KIAA0825: variants seen among roughly 807,000 people sequenced by gnomAD.
The protein encoded by KIAA0825 is KIAA0825.
A neutral mutation model predicts 147.6 loss-of-function variants in KIAA0825; 119 were observed. The observed-to-expected ratio is 0.81, with a 90% CI of 0.69 to 0.94. The LOEUF (loss-of-function observed/expected upper bound fraction) is 0.94. Among genes scored for constraint, KIAA0825 ranks in the 40% least tolerant of loss-of-function variants. KIAA0825 has a pLI of 0.00. For synonymous variants in KIAA0825, 470 were observed against 518.1 expected (o/e 0.91, Z 1.26); for missense variants, 1,381 against 1,472.7 (o/e 0.94, Z 1.02).
intron 4 of KIAA0825, among the ~76,000 whole-genome samples, chr5:94,522,930 C>T (rs560885524): frequency 2.4e-4 from 37 of 151,716 alleles, no homozygotes; most frequent in South Asian, 8.3e-4. Flanking sequence ...ATACACATGC[C>T]TCTTAATAGA....
intron 3 of KIAA0825, among the ~76,000 whole-genome samples, chr5:94,535,015 T>A (rs1038433400): frequency 1.3e-5 from 2 of 152,130 alleles, no homozygotes; most frequent in African/African-American, 4.8e-5. Flanking sequence ...CTATAGTTAT[T>A]TTATATTTAT....
chr5:94,234,951 T>C (rs571521230), intron 20 of KIAA0825, among the ~76,000 whole-genome samples: 1 of 152,230 alleles, frequency 6.6e-6, no homozygotes, highest in African/African-American at 2.4e-5. Flanking sequence ...AAATGTTATG[T>C]GTTTTCTGAC....
chr5:94,452,299 T>C (rs1758516246), intron 13 of KIAA0825, among the ~76,000 whole-genome samples: 8 of 152,198 alleles, frequency 5.3e-5, no homozygotes, highest in Admixed American at 5.2e-4. Flanking sequence ...TATAGTCAGC[T>C]TAGATGGTAA....
chr5:94,308,855 G>A (rs1446937986), intron 20 of KIAA0825, among the ~76,000 whole-genome samples: 2 of 143,814 alleles, frequency 1.4e-5, no homozygotes, highest in Non-Finnish European at 3.2e-5. Context: ...TCCAGAGGGA[G>A]AACTCTTTGC....
At chr5:94,589,347 T>C (rs1323023491) in intron 1 of KIAA0825, among the ~76,000 whole-genome samples, 3 of 152,234 alleles carry the variant, frequency 2.0e-5, no homozygotes, top group African/African-American at 7.2e-5. Context: ...TCTATTTGTC[T>C]TTTCCTGCAG....
intron 20 of KIAA0825, among the ~76,000 whole-genome samples, chr5:94,366,361 A>C (rs1322035121): frequency 2.6e-5 from 4 of 152,058 alleles, no homozygotes; most frequent in Non-Finnish European, 5.9e-5. Flanking sequence ...TTGAACCCAG[A>C]CACACATAAC....
chr5:94,368,696 CAG>C (rs1350310105), intron 20 of KIAA0825, among the ~76,000 whole-genome samples: 4 of 152,180 alleles, frequency 2.6e-5, no homozygotes, highest in African/African-American at 9.7e-5. Context: ...TATTCTCTAA[CAG>C]AATTTAGATG....
chr5:94,265,591 G>A (rs912371240), intron 20 of KIAA0825, among the ~76,000 whole-genome samples: 2 of 152,104 alleles, frequency 1.3e-5, no homozygotes, highest in African/African-American at 4.8e-5. Context: ...CTGAGGTCAG[G>A]AGTTTGAGAC....
chr5:94,593,796 T>C, intron 1 of KIAA0825: 2 of 335,720 alleles, frequency 6.0e-6, no homozygotes, highest in Non-Finnish European at 1.2e-5. Flanking sequence ...AGTTTTTTTG[T>C]GAAACTTGGA....
chr5:94,319,066 T>C (rs1779921800), intron 20 of KIAA0825, among the ~76,000 whole-genome samples: 1 of 151,770 alleles, frequency 6.6e-6, no homozygotes, highest in Non-Finnish European at 1.5e-5. Context: ...GGAAAGGAAA[T>C]AAGTCCAAGT....
intron 20 of KIAA0825, among the ~76,000 whole-genome samples, chr5:94,271,454 G>A (rs562441360): frequency 6.6e-6 from 1 of 152,044 alleles, no homozygotes; most frequent in East Asian, 1.9e-4. Context: ...ATGATCAAAA[G>A]ATCTGAATAG....
In KIAA0825 at chr5:94,240,962, T is replaced by C. The variant is rs566304837; in HGVS notation, c.3711-86838A>G. 6.6e-5 allele frequency among the ~76,000 whole-genome samples: 10 copies of C among 152,306 alleles called. 1 individual carries two copies. The highest frequency in any genetic ancestry group is 2.4e-4 in the African/African-American group (10 of 41,572). ...TACTTTATCTCGGTAAATAAAAGGT[T>C]GCCTGGTAAATAAATGAATCCATTT... is the stretch of plus-strand genomic sequence containing the variant. On this transcript the variant is annotated intron_variant, in intron 20 of 20. Transcript: ENST00000682413.
chr5:94,466,334 T>C (rs1426436573), intron 10 of KIAA0825, among the ~76,000 whole-genome samples: 1 of 152,144 alleles, frequency 6.6e-6, no homozygotes, highest in East Asian at 1.9e-4. Flanking sequence ...TTGTATTCCT[T>C]GGGTAAGAAA....
chr5:94,208,756 C>T (rs558672582), intron 20 of KIAA0825, among the ~76,000 whole-genome samples: 9 of 152,144 alleles, frequency 5.9e-5, no homozygotes, highest in African/African-American at 1.4e-4. Flanking sequence ...GAAATGTGAA[C>T]GTATTAGAGT....
At chr5:94,592,297 T>C (rs1457608788) in intron 1 of KIAA0825, among the ~76,000 whole-genome samples, 4 of 152,076 alleles carry the variant, frequency 2.6e-5, no homozygotes, top group Admixed American at 6.6e-5. Flanking sequence ...CCATTCCAAA[T>C]GGGAGAAATT....
intron 14 of KIAA0825, among the ~76,000 whole-genome samples, chr5:94,424,137 C>T (rs556477603): frequency 1.3e-5 from 2 of 152,244 alleles, no homozygotes; most frequent in African/African-American, 4.8e-5. Flanking sequence ...AATAATACTT[C>T]TGTATAACTG....
At chr5:94,231,759 A>C (rs573063229) in intron 20 of KIAA0825, among the ~76,000 whole-genome samples, 1 of 152,264 alleles carries the variant, frequency 6.6e-6, no homozygotes, top group Admixed American at 6.5e-5. Context: ...AATATTAGAG[A>C]CTGAGTAAAT....
At chr5:94,346,886 T>C (rs1470745992) in intron 20 of KIAA0825, among the ~76,000 whole-genome samples, 6 of 152,144 alleles carry the variant, frequency 3.9e-5, no homozygotes, top group East Asian at 1.9e-4. Context: ...CCCTTTTTTT[T>C]CCACAACTTG....
chr5:94,154,091 C>G lies in KIAA0825; in HGVS notation c.3744G>C (p.Glu1248Asp), dbSNP rs1766807860. Reference protein sequence around the residue: ...WEMKKDETLEEEEKAILEHLK... With the variant: ...WEMKKDETLEDEEKAILEHLK... ...AGTGCTCCAGTATTGCTTTTTCTTC[C>G]TCTTCTAGTGTTTCATCCTTCTTCA... The change falls in exon 21 of 21, where the codon GAG (glutamate) becomes GAC (aspartate). Residue 1248 changes from glutamate to aspartate, a missense_variant. Transcript: ENST00000682413. The G allele has an allele frequency of 6.4e-7, 1 of 1,551,476 alleles. No individual in the cohort carries two copies.
Sources: allele counts gnomAD v4.1 joint callset (sites outside exome capture counted in the v4.1 genomes callset), GRCh38; gene constraint gnomAD v4.1.1; transcripts MANE v1.5; gene names NCBI Gene and HGNC (gene_info 2026-07-23, HGNC 2026-07-21).